Variants in ATP10A observed in about 807,000 individuals in gnomAD.
ATP10A encodes the protein phospholipid-transporting ATPase VA.
ATP10A carries 111 observed loss-of-function variants against 147.8 expected under a neutral mutation model. The ratio of observed to expected loss-of-function variants is 0.75; its 90% CI spans 0.64 to 0.88. The LOEUF is 0.88. ATP10A is among the 40% of genes least tolerant of loss of function. The pLI, the probability that ATP10A is intolerant of heterozygous loss-of-function variation, is 0.00. For synonymous variants in ATP10A, 875 were observed against 841.6 expected (o/e 1.04, Z -0.69); for missense variants, 1,927 against 1,959.0 (o/e 0.98, Z 0.31).
At chr15:25,734,433 C>A (rs1887145968) in intron 3 of ATP10A, among the ~76,000 whole-genome samples, 1 of 152,186 alleles carries the variant, frequency 6.6e-6, no homozygotes, top group Non-Finnish European at 1.5e-5. Context: ...CTCGCCCCAC[C>A]CTTCACAATC....
At chr15:25,723,123 T>C (rs941031685) in intron 6 of ATP10A, among the ~76,000 whole-genome samples, 1 of 151,894 alleles carries the variant, frequency 6.6e-6, no homozygotes, top group Non-Finnish European at 1.5e-5. Context: ...CCGAGGTGGG[T>C]GGATCACTTG....
chr15:25,860,907 A>G (rs781184722), intron 1 of ATP10A, among the ~76,000 whole-genome samples: 1 of 152,240 alleles, frequency 6.6e-6, no homozygotes, highest in African/African-American at 2.4e-5. Flanking sequence ...AAAGGAGGCT[A>G]CAGGAGTTAC....
rs771115956 is a variant in ATP10A, at chr15:25,679,485, A to ACTC, written c.4353_4355dup (p.Gly1451_Ser1452insArg). The ACTC allele has an allele frequency of 6.2e-7, 1 of 1,613,748 alleles. No individual in the cohort carries two copies. Among genetic ancestry groups the ACTC allele is most frequent in the South Asian group, 1.1e-5 (1 of 91,064 alleles). ...GCTCCGTCCGGGAGAACTGTAAGACACTCCCCAGCCTGCTGACCAGCGACC... is the reference window on the plus strand; with the variant it reads ...GCTCCGTCCGGGAGAACTGTAAGACACTCCTCCCCAGCCTGCTGACCAGCGACC... On this transcript the variant is annotated inframe_insertion, in exon 21 of 21. Transcript: ENST00000555815.
intron 4 of ATP10A, among the ~76,000 whole-genome samples, 199 bp downstream of exon 4, chr15:25,726,959 AGG>A (rs1902605789): frequency 2.0e-5 from 3 of 149,058 alleles, no homozygotes; most frequent in Non-Finnish European, 3.0e-5. Flanking sequence ...CGGGAGGCTG[AGG>A]CAGGAGAATG....
chr15:25,709,371 C>T (rs17116015), intron 10 of ATP10A: 1 of 152,158 alleles, frequency 6.6e-6, no homozygotes, highest in African/African-American at 2.4e-5. Flanking sequence ...ATGCAGATAA[C>T]CTTTTCCCAG....
intron 1 of ATP10A, among the ~76,000 whole-genome samples, chr15:25,857,056 T>C (rs1893549915): frequency 6.6e-6 from 1 of 152,210 alleles, no homozygotes; most frequent in South Asian, 2.1e-4. Flanking sequence ...TGAGTAGGCC[T>C]CATTTATAGC....
At chr15:25,782,702 CTTCT>C (rs1420891427) in intron 1 of ATP10A, among the ~76,000 whole-genome samples, 2 of 152,122 alleles carry the variant, frequency 1.3e-5, no homozygotes, top group Admixed American at 6.6e-5. Flanking sequence ...TTTTAGATTT[CTTCT>C]TTAATTCTTT....
chr15:25,693,827 A>C (rs933988836), intron 14 of ATP10A, among the ~76,000 whole-genome samples: 1 of 152,152 alleles, frequency 6.6e-6, no homozygotes, highest in Non-Finnish European at 1.5e-5. Context: ...TGCCACTGTA[A>C]CCCAGGCTCA....
At chr15:25,743,049 G>A (rs1204081732) in intron 2 of ATP10A, among the ~76,000 whole-genome samples, 1 of 152,166 alleles carries the variant, frequency 6.6e-6, no homozygotes, top group African/African-American at 2.4e-5. Context: ...TGGAGAAAAG[G>A]TGCTCTCTCT....
chr15:25,776,995 G>A (rs764743677), intron 2 of ATP10A, among the ~76,000 whole-genome samples: 2 of 151,972 alleles, frequency 1.3e-5, no homozygotes, highest in African/African-American at 4.8e-5. Context: ...CTCCATACTG[G>A]GCATCACTGG....
At chr15:25,791,547 C>T (rs890312903) in intron 1 of ATP10A, among the ~76,000 whole-genome samples, 11 of 151,860 alleles carry the variant, frequency 7.2e-5, no homozygotes, top group Non-Finnish European at 1.5e-4. Context: ...ACCACCTGCC[C>T]AACAGTTTTT....
chr15:25,695,215 A>G (rs971029293), intron 13 of ATP10A, 69 bp from the exon 14 acceptor site: 172 of 1,440,742 alleles, frequency 1.2e-4, no homozygotes, highest in Non-Finnish European at 1.5e-4. Context: ...GCCCTGGCTC[A>G]ACACCTCTGG....
chr15:25,830,737 G>A (rs1892318255), intron 1 of ATP10A, among the ~76,000 whole-genome samples: 2 of 152,130 alleles, frequency 1.3e-5, no homozygotes, highest in African/African-American at 4.8e-5. Context: ...GTCCCATGAG[G>A]TCATGACATT....
chr15:25,728,438 C>T (rs190057477), intron 3 of ATP10A, among the ~76,000 whole-genome samples: 3 of 152,320 alleles, frequency 2.0e-5, no homozygotes, highest in East Asian at 3.9e-4. Context: ...AATGCCAAGA[C>T]GGAGTAAGGT....
chr15:25,716,347 C>T (rs1261561095), intron 9 of ATP10A, among the ~76,000 whole-genome samples: 3 of 152,188 alleles, frequency 2.0e-5, no homozygotes, highest in Admixed American at 6.5e-5. Flanking sequence ...GGTAGCCTCC[C>T]TCTGGCCCTG....
chr15:25,769,764 G>A (rs1289027632), intron 2 of ATP10A, among the ~76,000 whole-genome samples: 1 of 152,128 alleles, frequency 6.6e-6, no homozygotes, highest in Non-Finnish European at 1.5e-5. Flanking sequence ...CTTTCACTCC[G>A]AACCTGCACT....
At chr15:25,848,013 C>T (rs1010414596) in intron 1 of ATP10A, among the ~76,000 whole-genome samples, 1 of 152,004 alleles carries the variant, frequency 6.6e-6, no homozygotes, top group African/African-American at 2.4e-5. Flanking sequence ...TTCTGCCAGG[C>T]ATGGCAGATA....
intron 1 of ATP10A, among the ~76,000 whole-genome samples, chr15:25,786,032 C>T (rs1168017064): frequency 6.6e-6 from 1 of 152,234 alleles, no homozygotes; most frequent in African/African-American, 2.4e-5. Flanking sequence ...GTGACAGCAG[C>T]CCCCACTGTG....
chr15:25,751,585 T>C (rs1228184647), intron 2 of ATP10A, among the ~76,000 whole-genome samples: 1 of 152,148 alleles, frequency 6.6e-6, no homozygotes, highest in African/African-American at 2.4e-5. Context: ...GTCTGGGTAA[T>C]AATTTTTTTG....
Sources: gnomAD v4.1 joint callset for allele counts (sites outside exome capture counted in the v4.1 genomes callset) on GRCh38, gnomAD v4.1.1 for gene constraint, MANE v1.5 for transcripts, NCBI Gene and HGNC (gene_info 2026-07-23, HGNC 2026-07-21) for gene names.